The following ERICH3 variants were observed in gnomAD, a reference collection of about 807,000 sequenced individuals.
ERICH3 encodes glutamate rich 3, also known as glutamate-rich protein 3.
In ERICH3, 126 loss-of-function variants were observed where a neutral mutation model predicts 131.1. That is an observed-to-expected ratio of 0.96 (90% CI 0.83 to 1.11). The LOEUF is 1.11. ERICH3 is among the 50% of genes most tolerant of loss of function. The pLI, the probability that ERICH3 is intolerant of heterozygous loss-of-function variation, is 0.00. For missense variants in ERICH3, 2,050 were observed against 1,810.7 expected (o/e 1.13, Z -2.40); for synonymous variants, 695 against 644.6 (o/e 1.08, Z -1.18).
At chr1:74,598,821 T>C (rs1013002893) in intron 11 of ERICH3, among the ~76,000 whole-genome samples, 20 of 151,894 alleles carry the variant, frequency 1.3e-4, no homozygotes, top group Admixed American at 1.3e-3. Context: ...ATGTGAATTA[T>C]ATGACCCTTT....
chr1:74,606,438 C>G (rs1648395428), intron 10 of ERICH3, among the ~76,000 whole-genome samples, 163 bp downstream of exon 10: 1 of 151,810 alleles, frequency 6.6e-6, no homozygotes, highest in Non-Finnish European at 1.5e-5. Flanking sequence ...GTAGGTGACA[C>G]AGGACTCCAT....
At chr1:74,653,340 G>A (rs17095707) in intron 1 of ERICH3, among the ~76,000 whole-genome samples, 28,043 of 151,848 alleles carry the variant, frequency 0.18, 2,854 homozygotes, top group South Asian at 0.3. Flanking sequence ...CTAGTGGGGA[G>A]ATGCACACAC....
intron 10 of ERICH3, among the ~76,000 whole-genome samples, chr1:74,600,195 T>A (rs1456881206): frequency 1.3e-5 from 2 of 151,734 alleles, no homozygotes; most frequent in Admixed American, 6.6e-5. Context: ...CAAATGAACA[T>A]CATCATCTAA....
intron 11 of ERICH3, 44 bp from the exon 12 acceptor site, chr1:74,590,124 C>T: frequency 6.9e-7 from 1 of 1,444,534 alleles, no homozygotes; most frequent in Non-Finnish European, 9.3e-7. Flanking sequence ...TTCTGTAAAG[C>T]AATTGGTTTA....
chr1:74,636,453 GA>G lies in ERICH3; in HGVS notation c.445-16del. On this transcript the variant is annotated splice_polypyrimidine_tract_variant and intron_variant, in intron 5 of 14. Coordinates refer to ENST00000326665, the MANE Select transcript of ERICH3 (RefSeq NM_001002912.5). ...CGAGGGGCTGTCTAGACAATTAGGGGAAAAAATTCCATTTAAATTAGTATCT... is the reference window on the plus strand; with the variant it reads ...CGAGGGGCTGTCTAGACAATTAGGGGAAAAATTCCATTTAAATTAGTATCT... 6.3e-7 allele frequency: 1 copy of G among 1,586,354 alleles called. No homozygotes were observed. Among genetic ancestry groups the G allele is most frequent in the Non-Finnish European group, 8.6e-7 (1 of 1,166,496 alleles).
At chr1:74,613,764 C>T (rs1260754907) in intron 8 of ERICH3, among the ~76,000 whole-genome samples, 1 of 152,136 alleles carries the variant, frequency 6.6e-6, no homozygotes, top group Non-Finnish European at 1.5e-5. Context: ...ACCCTATCCC[C>T]ACAGACGTCC....
rs1345779566 is a variant in ERICH3 at position 74,569,371 on chromosome 1, A to C, written c.*1087T>G. The C allele has an allele frequency of 6.6e-6, 1 of 152,184 alleles. No individual in the cohort carries two copies. Among genetic ancestry groups the C allele is most frequent in the East Asian group, 1.9e-4 (1 of 5,194 alleles). The allele number at this position is 152,184 out of a possible 1,614,324, so 9.4% of individuals were successfully genotyped here. The stretch of plus-strand genomic sequence containing the variant: ...ATATAGAGAAATGGTAGACATATAC[A>C]TGCGCTCTGGGGCACTTGTATGTCT... On this transcript the variant is annotated 3_prime_UTR_variant, in exon 15 of 15. Coordinates refer to ENST00000326665, the MANE Select transcript of ERICH3 (RefSeq NM_001002912.5).
chr1:74,642,981 C>A, intron 4 of ERICH3, 46 bp downstream of exon 4: 1 of 1,385,200 alleles, frequency 7.2e-7, no homozygotes, highest in South Asian at 1.2e-5. Flanking sequence ...TTTTTAAAAT[C>A]ATAAAATAAT....
chr1:74,656,160 A>T (rs1258433981), intron 1 of ERICH3, among the ~76,000 whole-genome samples: 1 of 152,134 alleles, frequency 6.6e-6, no homozygotes, highest in Non-Finnish European at 1.5e-5. Flanking sequence ...CGGGCTGTGA[A>T]CCAAATTTCC....
At chr1:74,574,276 C>T (rs1647013301) in intron 13 of ERICH3, among the ~76,000 whole-genome samples, 1 of 152,056 alleles carries the variant, frequency 6.6e-6, no homozygotes, top group South Asian at 2.1e-4. Flanking sequence ...TGGGCCACTG[C>T]ACCTGGCCCT....
intron 12 of ERICH3, among the ~76,000 whole-genome samples, chr1:74,583,869 T>C (rs1042435680): frequency 7.9e-5 from 12 of 152,178 alleles, no homozygotes; most frequent in African/African-American, 2.9e-4. Context: ...CTCTCTCCTA[T>C]ACTGTTTTAA....
chr1:74,583,846 C>T (rs1257461188), intron 12 of ERICH3, among the ~76,000 whole-genome samples: 1 of 152,110 alleles, frequency 6.6e-6, no homozygotes, highest in Non-Finnish European at 1.5e-5. Flanking sequence ...TTCTCAATGA[C>T]ATCTAATTCA....
intron 12 of ERICH3, among the ~76,000 whole-genome samples, chr1:74,586,670 T>C (rs1647344904): frequency 6.6e-6 from 1 of 151,880 alleles, no homozygotes; most frequent in Non-Finnish European, 1.5e-5. Flanking sequence ...CTAATAACAA[T>C]AGTGAAAGTA....
intron 13 of ERICH3, among the ~76,000 whole-genome samples, chr1:74,576,167 C>T (rs1175517780): frequency 1.3e-5 from 2 of 152,166 alleles, no homozygotes; most frequent in African/African-American, 4.8e-5. Flanking sequence ...TCACAGAATC[C>T]TTTGACAGTA....
intron 6 of ERICH3, 48 bp from the exon 7 acceptor site, chr1:74,631,976 A>T (rs1646342772): frequency 1.3e-6 from 2 of 1,510,358 alleles, no homozygotes; most frequent in African/African-American, 1.4e-5. Context: ...AGAATCAGTG[A>T]CTCAATGTAA....
At position 74,572,148 on chromosome 1, in the gene ERICH3, T is replaced by C; in HGVS notation, c.3562A>G (p.Thr1188Ala). ...GGERLSEARDTEHKDREELSS... is the reference protein window; with the variant it reads ...GGERLSEARDAEHKDREELSS... ...AGCTCTTCTCTGTCTTTGTGCTCTG[T>C]GTCTCTGGCTTCACTCAGTCTTTCC... Residue 1188 changes from threonine to alanine, a missense_variant, in exon 14 of 15, where the codon ACA becomes GCA. Physicochemically the swap from Thr to Ala is moderately conservative, Grantham distance 58. Transcript: ENST00000326665. The C allele has an allele frequency of 6.2e-7, 1 of 1,614,070 alleles. No individual in the cohort carries two copies. The highest frequency in any genetic ancestry group is 8.5e-7 in the Non-Finnish European group (1 of 1,179,986).
intron 4 of ERICH3, 92 bp downstream of exon 4, chr1:74,642,934 AG>A (rs750829917): frequency 6.6e-5 from 61 of 921,094 alleles, no homozygotes; most frequent in Non-Finnish European, 1.0e-4. Context: ...CCAAAAGTAA[AG>A]TGTCCCAGGG....
At chr1:74,607,782 GCTTT>G (rs1648474691) in intron 9 of ERICH3, among the ~76,000 whole-genome samples, 1 of 151,726 alleles carries the variant, frequency 6.6e-6, no homozygotes, top group African/African-American at 2.4e-5. Flanking sequence ...GTCTTCTATA[GCTTT>G]CTATTTCTTA....
chr1:74,652,004 T>A (rs978573013), intron 1 of ERICH3, among the ~76,000 whole-genome samples: 3 of 152,192 alleles, frequency 2.0e-5, no homozygotes, highest in Non-Finnish European at 4.4e-5. Flanking sequence ...GAAACCTTTT[T>A]ACACATCATC....
Sources: gnomAD v4.1 joint callset for allele counts (sites outside exome capture counted in the v4.1 genomes callset) on GRCh38, gnomAD v4.1.1 for gene constraint, MANE v1.5 for transcripts, NCBI Gene and HGNC (gene_info 2026-07-23, HGNC 2026-07-21) for gene names.